GRIN2A: variants seen among roughly 807,000 people sequenced by gnomAD.
GRIN2A encodes glutamate ionotropic receptor NMDA type subunit 2A.
Under a neutral mutation model 113.4 loss-of-function variants are expected in GRIN2A, and 22 were observed. The ratio of observed to expected loss-of-function variants is 0.19; its 90% confidence interval spans 0.14 to 0.28. The LOEUF (loss-of-function observed/expected upper bound fraction) is 0.28, where lower values mean the gene tolerates loss of function less well. Ranked by LOEUF, GRIN2A falls within the 10% of genes least tolerant of loss-of-function variation. The pLI is 1.00. For synonymous variants in GRIN2A, 827 were observed against 738.4 expected, an observed-to-expected ratio of 1.12 and a Z score of -1.94; for missense variants, 1,502 against 1,887.0, an observed-to-expected ratio of 0.80 and a Z score of 3.78.
At chr16:9,844,256 G>A (rs534368588) in intron 5 of GRIN2A, among the ~76,000 whole-genome samples, 1 of 152,248 alleles carries the variant, frequency 6.6e-6, no homozygotes, top group Admixed American at 6.5e-5. Context: ...TGAACATGAG[G>A]TATATTTCTA....
chr16:10,111,967 C>G (rs11641504), intron 2 of GRIN2A: 227,408 of 708,274 alleles, frequency 0.32, 37,250 homozygotes, highest in East Asian at 0.43. Flanking sequence ...GACATTGAAA[C>G]AGGCAAATGA....
chr16:9,969,774 G>C (rs2045634500), intron 2 of GRIN2A, among the ~76,000 whole-genome samples: 1 of 152,168 alleles, frequency 6.6e-6, no homozygotes. Flanking sequence ...TAAAGACCAG[G>C]GTTGCTGCTA....
chr16:10,066,945 C>T lies in GRIN2A; in HGVS notation c.414+113053G>A, dbSNP rs538799937. 1.2e-4 allele frequency among the ~76,000 whole-genome samples: 19 copies of T among 152,206 alleles called. 1 individual carries two copies. Among genetic ancestry groups the T allele is most frequent in the Middle Eastern group, 3.4e-3 (1 of 294 alleles). ...ATACATACAATTAAATATTAGCCAGCGTTCAAAAACAAAGGACATTCGGAT... is the reference window on the plus strand; with the variant it reads ...ATACATACAATTAAATATTAGCCAGTGTTCAAAAACAAAGGACATTCGGAT... On this transcript the variant is annotated intron_variant, in intron 2 of 12. Coordinates refer to ENST00000330684, the MANE Select transcript of GRIN2A (RefSeq NM_001134407.3).
intron 2 of GRIN2A, among the ~76,000 whole-genome samples, chr16:10,134,319 A>C (rs1199396231): frequency 6.6e-6 from 1 of 152,096 alleles, no homozygotes; most frequent in African/African-American, 2.4e-5. Flanking sequence ...CCTCTGAGTA[A>C]CCAGTCCTTT....
At chr16:9,843,459 T>G (rs1045616616) in intron 5 of GRIN2A, among the ~76,000 whole-genome samples, 2 of 152,164 alleles carry the variant, frequency 1.3e-5, no homozygotes, top group African/African-American at 4.8e-5. Context: ...CCTTTCAAAG[T>G]GCTGGGATTA....
At chr16:9,949,912 G>T (rs539500244) in intron 2 of GRIN2A, among the ~76,000 whole-genome samples, 18 of 152,282 alleles carry the variant, frequency 1.2e-4, no homozygotes, top group Admixed American at 1.1e-3. Flanking sequence ...GTATAAGTGA[G>T]AGCTGGATGA....
intron 11 of GRIN2A, among the ~76,000 whole-genome samples, chr16:9,783,738 T>A (rs1307150713): frequency 6.6e-6 from 1 of 152,222 alleles, no homozygotes; most frequent in Admixed American, 6.5e-5. Context: ...TGGCAACTGA[T>A]ATGTGTACTC....
chr16:9,778,238 C>G (rs1158918649), intron 11 of GRIN2A, among the ~76,000 whole-genome samples: 2 of 152,190 alleles, frequency 1.3e-5, no homozygotes, highest in Non-Finnish European at 2.9e-5. Flanking sequence ...TGGAGAGATA[C>G]AATTCTTTGA....
At chr16:9,794,325 CATT>C (rs1902827217) in intron 11 of GRIN2A, among the ~76,000 whole-genome samples, 1 of 152,168 alleles carries the variant, frequency 6.6e-6, no homozygotes, top group Non-Finnish European at 1.5e-5. Context: ...TTTTGACACT[CATT>C]AGACTCATAA....
intron 2 of GRIN2A, among the ~76,000 whole-genome samples, chr16:10,051,251 G>T (rs529116525): frequency 1.3e-5 from 2 of 152,278 alleles, no homozygotes; most frequent in African/African-American, 4.8e-5. Flanking sequence ...TGTACTTTGG[G>T]ACTGTTTTTC....
chr16:10,140,512 G>A (rs2049303624), intron 2 of GRIN2A, among the ~76,000 whole-genome samples: 1 of 152,144 alleles, frequency 6.6e-6, no homozygotes, highest in Non-Finnish European at 1.5e-5. Flanking sequence ...CAAATAGGTA[G>A]CCTATGGGAG....
At chr16:10,147,455 C>CAAAAAAAAAAAAAAAA in intron 2 of GRIN2A, among the ~76,000 whole-genome samples, 1 of 72,942 alleles carries the variant, frequency 1.4e-5, no homozygotes, top group African/African-American at 6.3e-5. Context: ...ACTAAAAATA[C>CAAAAAAAAAAAAAAAA]AAAAAAAAAA....
intron 2 of GRIN2A, among the ~76,000 whole-genome samples, chr16:10,107,735 T>C (rs1168980368): frequency 6.6e-6 from 1 of 152,216 alleles, no homozygotes; most frequent in Non-Finnish European, 1.5e-5. Flanking sequence ...AAGGGCCAGA[T>C]TGTTGAAGCC....
chr16:10,000,663 G>C (rs1211967413), intron 2 of GRIN2A, among the ~76,000 whole-genome samples: 1 of 152,158 alleles, frequency 6.6e-6, no homozygotes. Context: ...ATTGTATTAA[G>C]GAAGACAAAA....
intron 2 of GRIN2A, among the ~76,000 whole-genome samples, chr16:10,007,259 G>C (rs1371916932): frequency 6.6e-6 from 1 of 152,134 alleles, no homozygotes; most frequent in Non-Finnish European, 1.5e-5. Flanking sequence ...AAAAAGTACA[G>C]GGTTCCCCTT....
rs917960937 is a variant in GRIN2A at position 9,824,547 on chromosome 16, A to T, written c.2008-2123T>A. Reference sequence around the variant, plus strand: ...CTGTGTCTGGGTTGCACAGTAACAGAGATAGATATTCAGTCTCTGTGATGG... The same window carrying T: ...CTGTGTCTGGGTTGCACAGTAACAGTGATAGATATTCAGTCTCTGTGATGG... On this transcript the variant is annotated intron_variant, in intron 9 of 12. Coordinates refer to ENST00000330684, the MANE Select transcript of GRIN2A (RefSeq NM_001134407.3). Among the ~76,000 whole-genome samples, 21 of 152,318 alleles carry T rather than the reference A, an allele frequency of 1.4e-4. No individual in the cohort carries two copies. In the East Asian group the frequency reaches 3.7e-3, roughly 27 times the overall value.
intron 2 of GRIN2A, among the ~76,000 whole-genome samples, chr16:10,014,888 A>T (rs1395628294): frequency 6.6e-6 from 1 of 152,146 alleles, no homozygotes; most frequent in Non-Finnish European, 1.5e-5. Flanking sequence ...AGAAAAAAAA[A>T]TTTAGCATCT....
intron 5 of GRIN2A, among the ~76,000 whole-genome samples, chr16:9,847,906 C>T (rs1198425276): frequency 1.4e-5 from 2 of 144,620 alleles, no homozygotes; most frequent in African/African-American, 2.5e-5. Flanking sequence ...CCAAAACAGG[C>T]CTTATTTTTA....
At position 9,847,281 on chromosome 16, in the gene GRIN2A, A is replaced by G. The variant is rs542803210; in HGVS notation, c.1328+2475T>C. Among the ~76,000 whole-genome samples, 118 of 152,296 alleles carry G rather than the reference A, an allele frequency of 7.7e-4. 1 individual carries two copies. Among genetic ancestry groups the G allele is most frequent in the Admixed American group, 2.9e-3 (45 of 15,284 alleles). On this transcript the variant is annotated intron_variant, in intron 5 of 12. Transcript: ENST00000330684. ...TTTTAAAAAGACTAAAGGAAGCCGG[A>G]CACAGTGGCTCACATCTATAATCCC... is the stretch of plus-strand genomic sequence containing the variant.
Sources: allele counts gnomAD v4.1 joint callset (sites outside exome capture counted in the v4.1 genomes callset), GRCh38; gene constraint gnomAD v4.1.1; transcripts MANE v1.5; gene names NCBI Gene and HGNC (gene_info 2026-07-23, HGNC 2026-07-21).